Variants in ADK observed in about 807,000 individuals in gnomAD.
ADK encodes the protein adenosine kinase.
Under a neutral mutation model 44.7 loss-of-function variants are expected in ADK, and 24 were observed. The ratio of observed to expected loss-of-function variants is 0.54; its 90% CI spans 0.39 to 0.76. ADK has a LOEUF of 0.76. ADK is among the 30% of genes least tolerant of loss of function. ADK has a pLI of 0.00. For synonymous variants in ADK, 128 were observed against 142.6 expected, an observed-to-expected ratio of 0.90 and a Z score of 0.73; for missense variants, 321 against 425.1, an observed-to-expected ratio of 0.76 and a Z score of 2.15.
At chr10:74,523,846 C>G (rs960173773) in intron 6 of ADK, among the ~76,000 whole-genome samples, 1 of 152,200 alleles carries the variant, frequency 6.6e-6, no homozygotes, top group African/African-American at 2.4e-5. Flanking sequence ...TTTTACACAG[C>G]CAAATGTAGA....
chr10:74,343,494 GT>G (rs1450378676), intron 4 of ADK, among the ~76,000 whole-genome samples: 1 of 152,176 alleles, frequency 6.6e-6, no homozygotes, highest in East Asian at 1.9e-4. Context: ...GGAGGAACTG[GT>G]TTTGCTGTCT....
At chr10:74,319,380 C>T (rs1297296657) in intron 4 of ADK, among the ~76,000 whole-genome samples, 3 of 152,310 alleles carry the variant, frequency 2.0e-5, no homozygotes, top group South Asian at 4.1e-4. Context: ...CTGCAGATGG[C>T]TACCCTCTTT....
chr10:74,694,183 T>C (rs1856092622), intron 10 of ADK, among the ~76,000 whole-genome samples: 1 of 135,200 alleles, frequency 7.4e-6, no homozygotes, highest in Non-Finnish European at 1.6e-5. Flanking sequence ...CTATTTTGAC[T>C]AAACATGTTT....
At chr10:74,631,429 T>G (rs565240694) in intron 9 of ADK, among the ~76,000 whole-genome samples, 2 of 151,542 alleles carry the variant, frequency 1.3e-5, no homozygotes, top group Non-Finnish European at 2.9e-5. Flanking sequence ...TTTTGTTTTT[T>G]TTTTTTTAGT....
At chr10:74,428,295 A>G (rs1332992617) in intron 6 of ADK, among the ~76,000 whole-genome samples, 2 of 152,124 alleles carry the variant, frequency 1.3e-5, no homozygotes, top group African/African-American at 2.4e-5. Context: ...AAAGCTCTTC[A>G]CTCAAATGAC....
intron 9 of ADK, among the ~76,000 whole-genome samples, chr10:74,617,606 G>GT (rs1852824249): frequency 6.6e-6 from 1 of 151,852 alleles, no homozygotes; most frequent in Non-Finnish European, 1.5e-5. Flanking sequence ...TTTTCTGTTT[G>GT]TTTTTTTGAG....
intron 6 of ADK, among the ~76,000 whole-genome samples, chr10:74,522,169 A>G (rs989108407): frequency 2.0e-5 from 3 of 152,162 alleles, no homozygotes; most frequent in African/African-American, 7.2e-5. Flanking sequence ...AGACCCAAAG[A>G]CCAGCAAAAA....
rs151094277 is a variant in ADK, at chr10:74,592,611, A to G, written c.762+3294A>G. ...TTTAAATTTTAGATCTCTAAGAATA[A>G]TACTTCTGCTCATAGGGGAAACAAA... On this transcript the variant is annotated intron_variant, in intron 8 of 10. Coordinates refer to ENST00000539909, the MANE Select transcript of ADK (RefSeq NM_006721.4). Among the ~76,000 whole-genome samples, 619 of 152,204 alleles carry G rather than the reference A, an allele frequency of 4.1e-3. 7 individuals are homozygous for G. The highest frequency in any genetic ancestry group is 0.014 in the African/African-American group (568 of 41,548).
At chr10:74,399,900 A>G (rs1843651993) in intron 6 of ADK, among the ~76,000 whole-genome samples, 1 of 152,100 alleles carries the variant, frequency 6.6e-6, no homozygotes, top group South Asian at 2.1e-4. Context: ...TAGTTGTTCA[A>G]TCCTGAATTG....
intron 1 of ADK, among the ~76,000 whole-genome samples, chr10:74,153,214 G>A (rs933473515): frequency 3.9e-5 from 6 of 152,154 alleles, no homozygotes; most frequent in Non-Finnish European, 7.3e-5. Context: ...TGAGAATTTG[G>A]TCAGCTCTGG....
At chr10:74,652,233 A>C (rs1306046745) in intron 9 of ADK, among the ~76,000 whole-genome samples, 3 of 151,384 alleles carry the variant, frequency 2.0e-5, no homozygotes, top group Non-Finnish European at 4.4e-5. Context: ...TAGTGGAGAC[A>C]GGGTTCCACC....
At chr10:74,402,849 T>A (rs1261685141) in intron 6 of ADK, among the ~76,000 whole-genome samples, 2 of 152,210 alleles carry the variant, frequency 1.3e-5, no homozygotes, top group African/African-American at 4.8e-5. Flanking sequence ...AATTGTCAGC[T>A]TTTCTCCTCT....
chr10:74,170,262 G>A (rs75719427), intron 1 of ADK, among the ~76,000 whole-genome samples: 1 of 151,998 alleles, frequency 6.6e-6, no homozygotes, highest in Non-Finnish European at 1.5e-5. Context: ...TTGTCAAGTT[G>A]TGATTTAAAA....
chr10:74,685,102 C>G (rs1331860356), intron 10 of ADK, among the ~76,000 whole-genome samples: 1 of 151,868 alleles, frequency 6.6e-6, no homozygotes, highest in Non-Finnish European at 1.5e-5. Context: ...TCTAGAAAAA[C>G]AAATCACAGT....
chr10:74,205,014 T>C (rs1370401298), intron 2 of ADK, among the ~76,000 whole-genome samples: 6 of 111,714 alleles, frequency 5.4e-5, no homozygotes, highest in African/African-American at 2.1e-4. Context: ...CACTCCAACC[T>C]GGGTGACAGA....
At chr10:74,622,983 G>C (rs1426243970) in intron 9 of ADK, among the ~76,000 whole-genome samples, 1 of 152,112 alleles carries the variant, frequency 6.6e-6, no homozygotes, top group Non-Finnish European at 1.5e-5. Flanking sequence ...CTCTAGCCTG[G>C]ACAACAAGAG....
intron 10 of ADK, among the ~76,000 whole-genome samples, chr10:74,688,991 G>A (rs1855888384): frequency 6.6e-6 from 1 of 151,962 alleles, no homozygotes; most frequent in Non-Finnish European, 1.5e-5. Context: ...GGTGGCTCAC[G>A]CCTGTAATCC....
intron 3 of ADK, among the ~76,000 whole-genome samples, chr10:74,226,315 C>T (rs906422300): frequency 2.0e-5 from 3 of 152,142 alleles, no homozygotes; most frequent in Admixed American, 6.5e-5. Context: ...CCATGTTGGC[C>T]AGGCTGGTCT....
intron 4 of ADK, among the ~76,000 whole-genome samples, chr10:74,370,625 T>C (rs1032286533): frequency 5.3e-5 from 8 of 152,202 alleles, no homozygotes; most frequent in Non-Finnish European, 8.8e-5. Context: ...CTTTCTGATA[T>C]ATAGTTGGCC....
Sources: gnomAD v4.1 joint callset for allele counts (sites outside exome capture counted in the v4.1 genomes callset) on GRCh38, gnomAD v4.1.1 for gene constraint, MANE v1.5 for transcripts, NCBI Gene and HGNC (gene_info 2026-07-23, HGNC 2026-07-21) for gene names.